SLC39A11: variants seen among roughly 807,000 people sequenced by gnomAD.
SLC39A11 encodes solute carrier family 39 member 11, also known as zinc transporter ZIP11.
A neutral mutation model predicts 36.1 loss-of-function variants in SLC39A11; 33 were observed. The observed-to-expected ratio is 0.91, with a 90% CI of 0.69 to 1.22. The LOEUF is 1.22. Among genes scored for constraint, SLC39A11 ranks in the 50% most tolerant of loss-of-function variants. The probability of loss-of-function intolerance (pLI) is 0.00; values close to 1 mark genes in which losing one functional copy is unlikely to be tolerated. For missense variants in SLC39A11, 432 were observed against 430.3 expected, an observed-to-expected ratio of 1.00 and a Z score of -0.03; for synonymous variants, 166 against 170.3, an observed-to-expected ratio of 0.97 and a Z score of 0.20.
intron 5 of SLC39A11, among the ~76,000 whole-genome samples, chr17:72,921,292 C>T (rs746629581): frequency 1.9e-4 from 29 of 152,218 alleles, no homozygotes; most frequent in Middle Eastern, 3.4e-3. Flanking sequence ...ACACCGAAGG[C>T]GAGAGTTCTT....
At chr17:72,978,004 G>A (rs1301329348) in intron 4 of SLC39A11, among the ~76,000 whole-genome samples, 1 of 152,244 alleles carries the variant, frequency 6.6e-6, no homozygotes, top group Non-Finnish European at 1.5e-5. Flanking sequence ...CCAGCAAAAT[G>A]TCAGTCTCCG....
intron 5 of SLC39A11, among the ~76,000 whole-genome samples, chr17:72,875,020 G>A (rs1482888671): frequency 6.6e-6 from 1 of 152,190 alleles, no homozygotes. Flanking sequence ...AAAACACTCA[G>A]ATGGGCAAAT....
intron 4 of SLC39A11, among the ~76,000 whole-genome samples, chr17:72,949,610 G>A (rs908854964): frequency 6.6e-6 from 1 of 151,778 alleles, no homozygotes; most frequent in African/African-American, 2.4e-5. Context: ...TCTTTCACAC[G>A]TCTTTCATTA....
intron 6 of SLC39A11, among the ~76,000 whole-genome samples, chr17:72,771,726 G>GA (rs1357244730): frequency 2.6e-5 from 4 of 152,122 alleles, no homozygotes; most frequent in Non-Finnish European, 5.9e-5. Context: ...GGATTTATAA[G>GA]AAAAAACGAT....
At chr17:72,986,836 G>A (rs1011863139) in intron 4 of SLC39A11, among the ~76,000 whole-genome samples, 3 of 152,132 alleles carry the variant, frequency 2.0e-5, no homozygotes, top group Admixed American at 6.5e-5. Flanking sequence ...GACCAGCCTC[G>A]CCAACATGAG....
intron 6 of SLC39A11, among the ~76,000 whole-genome samples, chr17:72,849,431 C>T (rs558105987): frequency 4.7e-4 from 72 of 152,054 alleles, no homozygotes; most frequent in Non-Finnish European, 9.0e-4. Context: ...TTAAACTAAC[C>T]GGAATGGGAA....
At chr17:73,054,168 G>C (rs1037139515) in intron 3 of SLC39A11, among the ~76,000 whole-genome samples, 1 of 152,050 alleles carries the variant, frequency 6.6e-6, no homozygotes, top group African/African-American at 2.4e-5. Context: ...TTCGAGACCA[G>C]CCTGACCACA....
At chr17:72,907,860 G>T (rs2082740738) in intron 5 of SLC39A11, among the ~76,000 whole-genome samples, 2 of 152,202 alleles carry the variant, frequency 1.3e-5, no homozygotes, top group African/African-American at 4.8e-5. Context: ...TGCACAGCAT[G>T]GGGCAGTCAC....
chr17:72,978,620 T>A (rs1299774755), intron 4 of SLC39A11, among the ~76,000 whole-genome samples: 1 of 151,074 alleles, frequency 6.6e-6, no homozygotes, highest in Admixed American at 6.6e-5. Flanking sequence ...GGGGAGCTTC[T>A]AAGAAGGGGG....
intron 4 of SLC39A11, among the ~76,000 whole-genome samples, chr17:73,017,561 A>G (rs1438049621): frequency 6.6e-6 from 1 of 152,014 alleles, no homozygotes; most frequent in Non-Finnish European, 1.5e-5. Flanking sequence ...TAAAAATACA[A>G]ATTTAGCTGG....
intron 7 of SLC39A11, among the ~76,000 whole-genome samples, chr17:72,668,913 G>T (rs1406584158): frequency 6.6e-6 from 1 of 152,172 alleles, no homozygotes; most frequent in African/African-American, 2.4e-5. Context: ...AAAAGGCAGG[G>T]TACCTGTCTT....
chr17:72,793,395 T>C (rs531927174), intron 6 of SLC39A11, among the ~76,000 whole-genome samples: 2 of 152,258 alleles, frequency 1.3e-5, no homozygotes, highest in East Asian at 1.9e-4. Context: ...CTGTCTTTTA[T>C]TAGCTGACTT....
intron 4 of SLC39A11, among the ~76,000 whole-genome samples, chr17:72,995,150 T>G (rs1047954650): frequency 1.3e-5 from 2 of 152,228 alleles, no homozygotes; most frequent in Non-Finnish European, 2.9e-5. Flanking sequence ...GCCCCAGTTC[T>G]TTAGCCCTCC....
At chr17:72,978,684 T>A (rs2088058990) in intron 4 of SLC39A11, among the ~76,000 whole-genome samples, 1 of 151,858 alleles carries the variant, frequency 6.6e-6, no homozygotes, top group Non-Finnish European at 1.5e-5. Flanking sequence ...GGGGGACCAG[T>A]CAGGAGGCCA....
chr17:72,835,095 A>G (rs2078468447), intron 6 of SLC39A11, among the ~76,000 whole-genome samples: 1 of 152,254 alleles, frequency 6.6e-6, no homozygotes, highest in African/African-American at 2.4e-5. Flanking sequence ...GAAGTGTGCT[A>G]CCGGCTTCTG....
chr17:72,740,831 A>G (rs550567305), intron 6 of SLC39A11, among the ~76,000 whole-genome samples: 2 of 152,108 alleles, frequency 1.3e-5, no homozygotes, highest in East Asian at 3.9e-4. Flanking sequence ...CTGGAGTGCA[A>G]TGGCGCAATC....
At chr17:72,804,190 G>T (rs2077182145) in intron 6 of SLC39A11, among the ~76,000 whole-genome samples, 1 of 152,104 alleles carries the variant, frequency 6.6e-6, no homozygotes, top group Non-Finnish European at 1.5e-5. Context: ...TAGAGACGGG[G>T]TTTCACCATG....
intron 6 of SLC39A11, among the ~76,000 whole-genome samples, chr17:72,820,562 C>T (rs1234167898): frequency 6.6e-6 from 1 of 151,160 alleles, no homozygotes; most frequent in East Asian, 1.9e-4. Flanking sequence ...GATTGCAGAG[C>T]TCAGCAAGAC....
intron 5 of SLC39A11, among the ~76,000 whole-genome samples, chr17:72,883,567 T>C (rs927593777): frequency 6.6e-6 from 1 of 151,426 alleles, no homozygotes; most frequent in African/African-American, 2.4e-5. Flanking sequence ...CTAGTCTCTG[T>C]TCTCCCGGTG....
Sources: allele counts gnomAD v4.1 joint callset (sites outside exome capture counted in the v4.1 genomes callset), GRCh38; gene constraint gnomAD v4.1.1; transcripts MANE v1.5; gene names NCBI Gene and HGNC (gene_info 2026-07-23, HGNC 2026-07-21).